The following SYCP2L variants were observed in gnomAD, a reference collection of about 807,000 sequenced individuals.
SYCP2L encodes synaptonemal complex protein 2-like.
In SYCP2L, 98 loss-of-function variants were observed where a neutral mutation model predicts 125.8. That is an observed-to-expected ratio of 0.78 (90% CI 0.66 to 0.92). The LOEUF is 0.92. SYCP2L is among the 40% of genes least tolerant of loss of function. The pLI is 0.00. For synonymous variants in SYCP2L, 317 were observed against 325.4 expected (o/e 0.97, Z 0.28); for missense variants, 842 against 936.4 (o/e 0.90, Z 1.32).
intron 25 of SYCP2L, 91 bp from the exon 26 acceptor site, chr6:10,958,693 A>G: frequency 3.4e-6 from 4 of 1,187,672 alleles, no homozygotes. Flanking sequence ...ATATTATTAC[A>G]TGCTGGCAGC....
intron 29 of SYCP2L, 37 bp downstream of exon 29, chr6:10,963,880 A>G: frequency 6.5e-7 from 1 of 1,548,164 alleles, no homozygotes; most frequent in South Asian, 1.1e-5. Context: ...GTGGATGTGA[A>G]TCGGGGTCAG....
chr6:10,887,086 A>C lies in SYCP2L; in HGVS notation c.-41A>C. The C allele has an allele frequency of 6.2e-7, 1 of 1,613,990 alleles. No individual in the cohort carries two copies. The highest frequency in any genetic ancestry group is 8.5e-7 in the Non-Finnish European group (1 of 1,179,934). On this transcript the variant is annotated 5_prime_UTR_variant, in exon 1 of 30. Transcript: ENST00000283141. ...GGAGAGGGCCGACCGAGCGCAACAAAGCTGAGCGGCGCGTCGCTTCAGGAA... is the reference window on the plus strand; with the variant it reads ...GGAGAGGGCCGACCGAGCGCAACAACGCTGAGCGGCGCGTCGCTTCAGGAA...
At chr6:10,921,908 G>A (rs1327989757) in intron 14 of SYCP2L, among the ~76,000 whole-genome samples, 6 of 151,930 alleles carry the variant, frequency 3.9e-5, no homozygotes, top group African/African-American at 1.5e-4. Context: ...GGGTTTCACC[G>A]TGTTAGCCAG....
intron 8 of SYCP2L, among the ~76,000 whole-genome samples, chr6:10,903,194 G>T (rs565964160): frequency 2.0e-5 from 3 of 152,284 alleles, no homozygotes; most frequent in African/African-American, 7.2e-5. Flanking sequence ...CAGCACTTTG[G>T]GGGGCCAAGG....
At chr6:10,951,157 C>T (rs117158444) in intron 23 of SYCP2L, among the ~76,000 whole-genome samples, 3,176 of 151,972 alleles carry the variant, frequency 0.021, 144 homozygotes, top group East Asian at 0.2. Context: ...GGCATGGTGG[C>T]TTATGCCTGT....
chr6:10,958,867 A>G lies in SYCP2L; in HGVS notation c.2247A>G (p.Gln749=), dbSNP rs1451390001. The G allele has an allele frequency of 6.2e-6, 10 of 1,613,802 alleles. No homozygotes were observed. Among genetic ancestry groups the G allele is most frequent in the African/African-American group, 1.3e-5 (1 of 74,934 alleles). ...TAATAAAACTTTTAAACCAGATGCA[A>G]CTGTTCAGGTAAGTTTTAGGTTTCA... The part of the protein sequence containing the change: ...DCLIKLLNQM[Q]LFRLNKLERF... The change falls in exon 26 of 30, where the codon CAA becomes CAG. Residue 749 remains glutamine (Q), a synonymous_variant. Coordinates refer to ENST00000283141, the MANE Select transcript of SYCP2L (RefSeq NM_001040274.3).
At chr6:10,962,378 A>G (rs1491004335) in intron 28 of SYCP2L, among the ~76,000 whole-genome samples, 1 of 145,186 alleles carries the variant, frequency 6.9e-6, no homozygotes, top group Non-Finnish European at 1.5e-5. Context: ...GTTAATGATG[A>G]TGACTGTATG....
intron 25 of SYCP2L, among the ~76,000 whole-genome samples, chr6:10,958,463 G>A (rs1298773368): frequency 1.3e-5 from 2 of 152,142 alleles, no homozygotes; most frequent in African/African-American, 2.4e-5. Flanking sequence ...ATCCGCCCCC[G>A]TGACCCGAAC....
At chr6:10,927,574 A>G (rs1193492142) in intron 17 of SYCP2L, among the ~76,000 whole-genome samples, 1 of 152,216 alleles carries the variant, frequency 6.6e-6, no homozygotes, top group African/African-American at 2.4e-5. Flanking sequence ...TGTGGGTCAC[A>G]GAGATCACGT....
At chr6:10,924,764 C>A in intron 15 of SYCP2L, 123 bp downstream of exon 15, 1 of 868,562 alleles carries the variant, frequency 1.2e-6, no homozygotes, top group Non-Finnish European at 1.6e-6. Flanking sequence ...CTTTCAAATG[C>A]CATGTAAAAA....
intron 29 of SYCP2L, among the ~76,000 whole-genome samples, chr6:10,965,023 T>C (rs953383679): frequency 6.6e-6 from 1 of 152,212 alleles, no homozygotes; most frequent in Non-Finnish European, 1.5e-5. Flanking sequence ...GTTTGAATTT[T>C]ATACTAAGGG....
chr6:10,969,203 C>G (rs1468126131), intron 29 of SYCP2L, among the ~76,000 whole-genome samples: 1 of 152,020 alleles, frequency 6.6e-6, no homozygotes, highest in Non-Finnish European at 1.5e-5. Context: ...TTCTATTTAC[C>G]TTGAAGAGTA....
Position 10,935,460 on chromosome 6 carries a change from G to A in SYCP2L, c.1813+273G>A, listed in dbSNP as rs1278375664. Among the ~76,000 whole-genome samples, 4 of 152,032 alleles carry A rather than the reference G, an allele frequency of 2.6e-5. No homozygotes were observed. In the East Asian group the frequency reaches 7.7e-4, roughly 29 times the overall value. On this transcript the variant is annotated intron_variant, in intron 21 of 29. Coordinates refer to ENST00000283141, the MANE Select transcript of SYCP2L (RefSeq NM_001040274.3). ...CAAATGATGACCTGTAGCAGGGGTTGGTAAACATTTTTTGTAAGGTTCCAA... is the reference window on the plus strand; with the variant it reads ...CAAATGATGACCTGTAGCAGGGGTTAGTAAACATTTTTTGTAAGGTTCCAA...
chr6:10,895,565 A>G (rs1780243209), intron 4 of SYCP2L, among the ~76,000 whole-genome samples: 1 of 152,016 alleles, frequency 6.6e-6, no homozygotes, highest in Non-Finnish European at 1.5e-5. Context: ...GCTGGTACTG[A>G]TAACGCTTGC....
In SYCP2L at chr6:10,894,102, A is replaced by G. The variant is rs1561678866; in HGVS notation, c.234A>G (p.Glu78=). The G allele has an allele frequency of 1.2e-6, 2 of 1,612,134 alleles. No individual in the cohort carries two copies. The highest frequency in any genetic ancestry group is 1.7e-6 in the Non-Finnish European group (2 of 1,179,610). ...ATACCTAGGAACTAGATAAAAATGAATTTCAGTCTGTGTCACTGTTGCTGA... is the reference window on the plus strand; with the variant it reads ...ATACCTAGGAACTAGATAAAAATGAGTTTCAGTCTGTGTCACTGTTGCTGA... The part of the protein sequence containing the change: ...RSINKELDKN[E]FQSVSLLLKC... Residue 78 remains glutamate, a synonymous_variant, in exon 4 of 30, where the codon GAA becomes GAG. Transcript: ENST00000283141.
chr6:10,945,995 A>C (rs1229213790), intron 23 of SYCP2L, among the ~76,000 whole-genome samples: 1 of 152,146 alleles, frequency 6.6e-6, no homozygotes, highest in African/African-American at 2.4e-5. Flanking sequence ...TGTGTTTCAT[A>C]ATGTTATATA....
intron 14 of SYCP2L, among the ~76,000 whole-genome samples, chr6:10,919,955 T>C (rs570038485): frequency 6.6e-6 from 1 of 152,078 alleles, no homozygotes; most frequent in Admixed American, 6.5e-5. Flanking sequence ...CAAGTCTGTT[T>C]GCAGGCAATG....
chr6:10,893,879 A>G lies in SYCP2L; in HGVS notation c.91A>G (p.Ile31Val). 6.2e-7 allele frequency: 1 copy of G among 1,608,916 alleles called. No homozygotes were observed. Among genetic ancestry groups the G allele is most frequent in the Non-Finnish European group, 8.5e-7 (1 of 1,179,050 alleles). ...QDDAFWLQSL[I>V]TDAFHDKGFQ... ...ATCATCTTTCCAGCTTCAATCACTT[A>G]TTACGGATGCATTCCATGATAAAGG... The change falls in exon 3 of 30, where the codon ATT (isoleucine) becomes GTT (valine). Residue 31 changes from isoleucine (I) to valine (V), a missense_variant. Transcript: ENST00000283141.
At chr6:10,956,373 A>G in intron 25 of SYCP2L, 131 bp downstream of exon 25, 1 of 673,150 alleles carries the variant, frequency 1.5e-6, no homozygotes, top group Non-Finnish European at 2.5e-6. Context: ...ACTCAGAAAC[A>G]GGGAGGAGAA....
Sources: gnomAD v4.1 joint callset for allele counts (sites outside exome capture counted in the v4.1 genomes callset) on GRCh38, gnomAD v4.1.1 for gene constraint, MANE v1.5 for transcripts, NCBI Gene and HGNC (gene_info 2026-07-23, HGNC 2026-07-21) for gene names.